The following SPAG16 variants were observed in gnomAD, a reference collection of about 807,000 sequenced individuals.
The protein encoded by SPAG16 is sperm associated antigen 16, also known as sperm-associated antigen 16 protein.
A neutral mutation model predicts 80.4 loss-of-function variants in SPAG16; 86 were observed. That is an observed-to-expected ratio of 1.07 (90% CI 0.90 to 1.28). SPAG16 has a LOEUF of 1.28. Among genes scored for constraint, SPAG16 ranks in the 50% most tolerant of loss-of-function variants. The probability of loss-of-function intolerance (pLI) is 0.00; values close to 1 mark genes in which losing one functional copy is unlikely to be tolerated. For missense variants in SPAG16, 870 were observed against 765.3 expected, an observed-to-expected ratio of 1.14 and a Z score of -1.61; for synonymous variants, 294 against 265.9, an observed-to-expected ratio of 1.11 and a Z score of -1.03.
Position 213,554,677 on chromosome 2 carries a change from TAACA to T in SPAG16, c.1070+64594_1070+64597del, listed in dbSNP as rs955510832. 8.7e-5 allele frequency among the ~76,000 whole-genome samples: 13 copies of T among 149,070 alleles called. No individual in the cohort carries two copies. The East Asian group carries it at 9.9e-4, about 11-fold the overall frequency. Reference sequence around the variant, plus strand: ...ATAGAGAAATCAAAATTATAAAAAATAACAAACAAAACTTCTAGAGCTGAAAAAA... The same window carrying T: ...ATAGAGAAATCAAAATTATAAAAAATAACAAAACTTCTAGAGCTGAAAAAA... On this transcript the variant is annotated intron_variant, in intron 10 of 15. Coordinates refer to ENST00000331683, the MANE Select transcript of SPAG16 (RefSeq NM_024532.5).
chr2:213,521,949 GT>G (rs1373614219), intron 10 of SPAG16, among the ~76,000 whole-genome samples: 12 of 152,316 alleles, frequency 7.9e-5, no homozygotes, highest in Non-Finnish European at 1.5e-4. Context: ...TCTTTTGGGA[GT>G]ATCATTGGAA....
chr2:213,938,157 A>G (rs1427769754), intron 12 of SPAG16, among the ~76,000 whole-genome samples: 2 of 151,966 alleles, frequency 1.3e-5, no homozygotes, highest in East Asian at 1.9e-4. Flanking sequence ...ATTACTGCCA[A>G]TCAAAGCAAG....
At chr2:213,633,881 T>G (rs2062254823) in intron 10 of SPAG16, among the ~76,000 whole-genome samples, 1 of 152,180 alleles carries the variant, frequency 6.6e-6, no homozygotes, top group Non-Finnish European at 1.5e-5. Flanking sequence ...TGGAATATCT[T>G]TTTTTATCCC....
intron 10 of SPAG16, among the ~76,000 whole-genome samples, chr2:213,735,308 A>G (rs1198125814): frequency 3.9e-5 from 6 of 152,154 alleles, no homozygotes; most frequent in Non-Finnish European, 8.8e-5. Context: ...AAGTTCCTCA[A>G]TTTTCTCAAT....
At chr2:213,981,109 T>G (rs2045726033) in intron 12 of SPAG16, among the ~76,000 whole-genome samples, 1 of 152,086 alleles carries the variant, frequency 6.6e-6, no homozygotes, top group Non-Finnish European at 1.5e-5. Flanking sequence ...GCTCTGTTCC[T>G]GTTGTGTAGA....
intron 6 of SPAG16, among the ~76,000 whole-genome samples, chr2:213,342,341 T>TATATATATG (rs1162248656): frequency 1.6e-4 from 1 of 6,422 alleles, no homozygotes; most frequent in African/African-American, 2.8e-4. Context: ...ATATATATAT[T>TATATATATG]ACATATATGT....
At chr2:214,260,279 G>C (rs1400352864) in intron 15 of SPAG16, among the ~76,000 whole-genome samples, 1 of 151,878 alleles carries the variant, frequency 6.6e-6, no homozygotes, top group Admixed American at 6.6e-5. Context: ...ACTTATCCAG[G>C]CAACTAAATA....
intron 10 of SPAG16, among the ~76,000 whole-genome samples, chr2:213,536,661 C>G (rs969121571): frequency 3.3e-5 from 5 of 152,116 alleles, no homozygotes; most frequent in Admixed American, 2.0e-4. Flanking sequence ...CCTTTGCCCA[C>G]TTTTTGATGG....
chr2:213,818,382 C>G (rs1386394634), intron 10 of SPAG16, among the ~76,000 whole-genome samples: 1 of 152,104 alleles, frequency 6.6e-6, no homozygotes, highest in Admixed American at 6.6e-5. Context: ...TTGGCTCATT[C>G]ATTTCTCCTA....
chr2:213,883,512 A>T (rs904635742), intron 11 of SPAG16, among the ~76,000 whole-genome samples: 1 of 152,256 alleles, frequency 6.6e-6, no homozygotes, highest in Middle Eastern at 3.4e-3. Flanking sequence ...TGTTCAGTAG[A>T]TGTTTATTAG....
chr2:213,777,428 A>T (rs1440417000), intron 10 of SPAG16, among the ~76,000 whole-genome samples: 1 of 149,466 alleles, frequency 6.7e-6, no homozygotes, highest in Admixed American at 6.7e-5. Context: ...TTTTTTTGAG[A>T]TGGAGTCTCG....
chr2:213,451,787 T>A (rs2071707338), intron 9 of SPAG16, among the ~76,000 whole-genome samples: 2 of 152,120 alleles, frequency 1.3e-5, no homozygotes, highest in Non-Finnish European at 2.9e-5. Context: ...GAGCCTCTAG[T>A]AGTCCCCACC....
rs1358321408 is a variant in SPAG16 at position 214,010,671 on chromosome 2, G to A, written c.1401-3280G>A. ...GGTGACCCAAGAAATTATAACCAGC[G>A]AAACTGCTGTTGAAGTACTGAATAA... On this transcript the variant is annotated intron_variant, in intron 12 of 15. Transcript: ENST00000331683. Among the ~76,000 whole-genome samples, 4 of 146,522 alleles carry A rather than the reference G, an allele frequency of 2.7e-5. No homozygotes were observed. The East Asian group carries it at 7.8e-4, about 29-fold the overall frequency.
intron 15 of SPAG16, among the ~76,000 whole-genome samples, chr2:214,383,153 A>C (rs1249029030): frequency 6.6e-6 from 1 of 152,236 alleles, no homozygotes; most frequent in Admixed American, 6.5e-5. Flanking sequence ...CATTATGTTA[A>C]GATTATCACA....
intron 3 of SPAG16, 103 bp from the exon 4 acceptor site, chr2:213,309,956 T>TG (rs1490266910): frequency 5.7e-5 from 40 of 697,738 alleles, no homozygotes; most frequent in Non-Finnish European, 9.3e-5. Context: ...CAAACATTGT[T>TG]GAAAAAAAAT....
At chr2:213,971,212 A>G (rs2045033123) in intron 12 of SPAG16, among the ~76,000 whole-genome samples, 1 of 152,172 alleles carries the variant, frequency 6.6e-6, no homozygotes, top group African/African-American at 2.4e-5. Flanking sequence ...TTCTGAGCCA[A>G]TTGTTGACAT....
intron 13 of SPAG16, among the ~76,000 whole-genome samples, chr2:214,088,824 C>T (rs911456841): frequency 1.3e-5 from 2 of 151,900 alleles, no homozygotes; most frequent in East Asian, 1.9e-4. Flanking sequence ...TAAACTATTC[C>T]AGGATCTGAA....
rs558194236 is a variant in SPAG16, at chr2:213,484,964, TGTTAGA to T, written c.943-4987_943-4982del. Among the ~76,000 whole-genome samples, 62 of 152,244 alleles carry T rather than the reference TGTTAGA, an allele frequency of 4.1e-4. No homozygotes were observed. In the South Asian group the frequency reaches 5.4e-3, roughly 13 times the overall value. On this transcript the variant is annotated intron_variant, in intron 9 of 15. Transcript: ENST00000331683. ...CTAGTAGGTATTTTTATCTGATTGC[TGTTAGA>T]GTTAGAGTTAGTGGAATATTTTTCT...
intron 9 of SPAG16, among the ~76,000 whole-genome samples, chr2:213,459,274 A>G (rs569495524): frequency 9.2e-5 from 14 of 152,026 alleles, no homozygotes; most frequent in African/African-American, 3.1e-4. Flanking sequence ...TCATATGCCT[A>G]TTGTTGTTGT....
Sources: allele counts gnomAD v4.1 joint callset (sites outside exome capture counted in the v4.1 genomes callset), GRCh38; gene constraint gnomAD v4.1.1; transcripts MANE v1.5; gene names NCBI Gene and HGNC (gene_info 2026-07-23, HGNC 2026-07-21).